Variants in CNTN6 observed in about 807,000 individuals in gnomAD.
The protein encoded by CNTN6 is contactin 6.
CNTN6 carries 137 observed loss-of-function variants against 122.8 expected under a neutral mutation model. That is an observed-to-expected ratio of 1.12 (90% CI 0.97 to 1.29). CNTN6 has a LOEUF of 1.29. Ranked by LOEUF, CNTN6 falls within the 50% of genes most tolerant of loss-of-function variation. CNTN6 has a pLI of 0.00. For missense variants in CNTN6, 1,634 were observed against 1,223.4 expected, an observed-to-expected ratio of 1.34 and a Z score of -5.01; for synonymous variants, 570 against 426.0, an observed-to-expected ratio of 1.34 and a Z score of -4.16.
chr3:1,307,973 A>G (rs1431430230), intron 7 of CNTN6, among the ~76,000 whole-genome samples: 1 of 152,090 alleles, frequency 6.6e-6, no homozygotes, highest in East Asian at 1.9e-4. Context: ...CCCACTCCAT[A>G]CTGACTCTTT....
intron 1 of CNTN6, among the ~76,000 whole-genome samples, chr3:1,102,985 G>C (rs9821388): frequency 3.5e-5 from 5 of 141,782 alleles, no homozygotes; most frequent in Non-Finnish European, 6.3e-5. Flanking sequence ...CGGCGCCTGT[G>C]GTCCCAGCTA....
At chr3:1,182,283 G>A (rs969230008) in intron 2 of CNTN6, among the ~76,000 whole-genome samples, 9 of 152,120 alleles carry the variant, frequency 5.9e-5, no homozygotes, top group African/African-American at 2.2e-4. Context: ...CACTAGAACT[G>A]GAATCTGATG....
At chr3:1,374,596 C>T (rs1285700858) in intron 16 of CNTN6, among the ~76,000 whole-genome samples, 1 of 152,050 alleles carries the variant, frequency 6.6e-6, no homozygotes, top group East Asian at 1.9e-4. Flanking sequence ...CACTGAACAG[C>T]AGAACGCAAG....
intron 4 of CNTN6, among the ~76,000 whole-genome samples, chr3:1,275,125 C>T (rs539064180): frequency 4.6e-5 from 7 of 152,312 alleles, no homozygotes; most frequent in African/African-American, 1.4e-4. Context: ...TTCTCATTAT[C>T]ACCCTTCAGG....
intron 4 of CNTN6, among the ~76,000 whole-genome samples, chr3:1,241,335 C>T (rs548137858): frequency 3.3e-5 from 5 of 151,694 alleles, no homozygotes; most frequent in African/African-American, 7.3e-5. Flanking sequence ...AGAGAACGGG[C>T]GATGTTTCTC....
At chr3:1,263,853 G>C (rs2125716363) in intron 4 of CNTN6, among the ~76,000 whole-genome samples, 1 of 151,900 alleles carries the variant, frequency 6.6e-6, no homozygotes, top group Admixed American at 6.6e-5. Flanking sequence ...CAGAGTGATA[G>C]GGAACTGCTA....
At chr3:1,102,961 G>T (rs1449453107) in intron 1 of CNTN6, among the ~76,000 whole-genome samples, 7 of 149,408 alleles carry the variant, frequency 4.7e-5, no homozygotes, top group South Asian at 2.1e-4. Context: ...CAAGAAATTA[G>T]CCGGGCGTGG....
intron 1 of CNTN6, among the ~76,000 whole-genome samples, chr3:1,139,217 T>A (rs760627723): frequency 6.6e-6 from 1 of 152,186 alleles, no homozygotes; most frequent in Non-Finnish European, 1.5e-5. Flanking sequence ...TGCTATCTAG[T>A]CCTTTATGGT....
At chr3:1,336,531 T>C (rs74449151) in intron 11 of CNTN6, among the ~76,000 whole-genome samples, 10,303 of 152,216 alleles carry the variant, frequency 0.068, 456 homozygotes, top group East Asian at 0.14. Flanking sequence ...AGCTGGACTC[T>C]CTGGAAACCA....
intron 16 of CNTN6, among the ~76,000 whole-genome samples, chr3:1,376,025 C>T (rs114591022): frequency 1.1e-3 from 167 of 152,152 alleles, no homozygotes; most frequent in African/African-American, 3.9e-3. Flanking sequence ...ATCCAAGTGC[C>T]TCCTCAACCA....
chr3:1,297,803 T>C, intron 6 of CNTN6, 86 bp from the exon 7 acceptor site: 1 of 983,960 alleles, frequency 1.0e-6, no homozygotes, highest in African/African-American at 1.6e-5. Context: ...TAAGAAGAAA[T>C]AATCAGGTTT....
At chr3:1,109,875 A>G (rs899452234) in intron 1 of CNTN6, among the ~76,000 whole-genome samples, 5 of 151,966 alleles carry the variant, frequency 3.3e-5, no homozygotes, top group Admixed American at 1.3e-4. Context: ...CCCATACTCT[A>G]TCCTTTTATT....
chr3:1,175,222 CAAAAAAAAAAA>C (rs61606722), intron 2 of CNTN6, among the ~76,000 whole-genome samples: 1 of 76,850 alleles, frequency 1.3e-5, no homozygotes, highest in African/African-American at 5.0e-5. Flanking sequence ...GACTTTGTCT[CAAAAAAAAAAA>C]AAAAAAAAAA....
intron 11 of CNTN6, among the ~76,000 whole-genome samples, chr3:1,335,366 T>C (rs933172698): frequency 6.6e-6 from 1 of 152,170 alleles, no homozygotes; most frequent in Non-Finnish European, 1.5e-5. Context: ...AATTACAGAT[T>C]AAGTTTATCT....
intron 1 of CNTN6, among the ~76,000 whole-genome samples, chr3:1,108,006 T>C (rs2091305090): frequency 2.0e-5 from 3 of 152,088 alleles, no homozygotes; most frequent in Admixed American, 2.0e-4. Flanking sequence ...ATTAAGGCTC[T>C]GGGTGTTAAT....
chr3:1,381,950 G>A (rs155394), intron 17 of CNTN6, among the ~76,000 whole-genome samples: 141,475 of 151,524 alleles, frequency 0.93, 65,893 homozygotes, highest in East Asian at 1. Flanking sequence ...ATTGGTGCTC[G>A]CATGGGTTCC....
chr3:1,103,226 G>C (rs2091043902), intron 1 of CNTN6, among the ~76,000 whole-genome samples: 1 of 152,218 alleles, frequency 6.6e-6, no homozygotes, highest in African/African-American at 2.4e-5. Flanking sequence ...TGTTTTCTAG[G>C]CATTTAATGT....
intron 20 of CNTN6, 89 bp downstream of exon 20, chr3:1,385,886 A>C: frequency 9.0e-6 from 11 of 1,223,654 alleles, no homozygotes; most frequent in South Asian, 3.4e-5. Context: ...CCCACACCTC[A>C]TTTCTTTACT....
At chr3:1,367,156 T>C (rs1021751851) in intron 12 of CNTN6, among the ~76,000 whole-genome samples, 1 of 152,156 alleles carries the variant, frequency 6.6e-6, no homozygotes, top group Non-Finnish European at 1.5e-5. Flanking sequence ...ATCCTATCAT[T>C]TTTTTGTGAT....
Sources: allele counts gnomAD v4.1 joint callset (sites outside exome capture counted in the v4.1 genomes callset), GRCh38; gene constraint gnomAD v4.1.1; transcripts MANE v1.5; gene names NCBI Gene and HGNC (gene_info 2026-07-23, HGNC 2026-07-21).